ARHGAP27: variants seen among roughly 807,000 people sequenced by gnomAD.
ARHGAP27 encodes the protein Rho GTPase activating protein 27.
Under a neutral mutation model 102.0 loss-of-function variants are expected in ARHGAP27, and 53 were observed. The observed-to-expected ratio is 0.52, with a 90% CI of 0.42 to 0.65. The LOEUF is 0.65. ARHGAP27 is among the 30% of genes least tolerant of loss of function. The probability of loss-of-function intolerance (pLI) is 0.00; values close to 1 mark genes in which losing one functional copy is unlikely to be tolerated. For synonymous variants in ARHGAP27, 525 were observed against 542.8 expected (o/e 0.97, Z 0.46); for missense variants, 1,117 against 1,256.2 (o/e 0.89, Z 1.68).
intron 4 of ARHGAP27, among the ~76,000 whole-genome samples, chr17:45,407,324 T>C (rs943095947): frequency 6.6e-5 from 10 of 151,880 alleles, no homozygotes; most frequent in Non-Finnish European, 1.5e-4. Context: ...TCCAATTCCT[T>C]CTTCAGGATT....
chr17:45,411,330 CACTA>C (rs1453838671), intron 4 of ARHGAP27, among the ~76,000 whole-genome samples: 1 of 152,030 alleles, frequency 6.6e-6, no homozygotes, highest in African/African-American at 2.4e-5. Flanking sequence ...GGCCAGGCAG[CACTA>C]AGCCCACCAG....
At chr17:45,400,879 C>A (rs575095264) in intron 12 of ARHGAP27, among the ~76,000 whole-genome samples, 2 of 152,114 alleles carry the variant, frequency 1.3e-5, no homozygotes. Flanking sequence ...TGCACCACTG[C>A]ACTTCAGCCT....
rs754888955 is a variant in ARHGAP27 at position 45,428,612 on chromosome 17, A to T, written c.657+1011T>A. ...TGGGCATCCCGGACTCAGTCCTGGC[A>T]CATAGTGGGCATCAGTGTTCATGGT... is the stretch of plus-strand genomic sequence containing the variant. On this transcript the variant is annotated intron_variant, in intron 4 of 19. Coordinates refer to ENST00000685559, the MANE Select transcript of ARHGAP27 (RefSeq NM_001282290.2). 1.6e-4 allele frequency among the ~76,000 whole-genome samples: 24 copies of T among 152,318 alleles called. No homozygotes were observed. In the Middle Eastern group the frequency reaches 0.014, roughly 87 times the overall value.
Position 45,404,540 on chromosome 17 carries a change from G to A in ARHGAP27, c.1330-12C>T, listed in dbSNP as rs757799804. On this transcript the variant is annotated splice_polypyrimidine_tract_variant and intron_variant, in intron 7 of 19. Transcript: ENST00000685559. ...GCAGGGACAGGGACCTGGGGAGAAA[G>A]ACACAGTCGTATATGATCTCTTCCT... is the stretch of plus-strand genomic sequence containing the variant. The A allele has an allele frequency of 3.7e-6, 6 of 1,613,426 alleles. No individual in the cohort carries two copies. In the South Asian group the frequency reaches 5.5e-5, roughly 15 times the overall value.
Position 45,404,618 on chromosome 17 carries a change from G to A in ARHGAP27, c.1312C>T (p.Arg438Ter), listed in dbSNP as rs777988076. Reference protein sequence around the residue: ...YFYNPEDSSVRWELPQVPVPA... With the variant: ...YFYNPEDSSV The stretch of plus-strand genomic sequence containing the variant: ...GTTGTTACCTGGGGCAGCTCCCATC[G>A]AACAGAGGAGTCCTCTGGATTGTAG... Residue 438 changes from arginine (R) to a stop codon, truncating the protein, a stop_gained, in exon 7 of 20, where the codon CGA becomes TGA. Coordinates refer to ENST00000685559, the MANE Select transcript of ARHGAP27 (RefSeq NM_001282290.2). LOFTEE classifies it high-confidence loss of function. The A allele has an allele frequency of 1.2e-6, 2 of 1,613,916 alleles. No homozygotes were observed. The highest frequency in any genetic ancestry group is 1.1e-5 in the South Asian group (1 of 91,066).
In ARHGAP27 at chr17:45,426,355, G is replaced by A. The variant is rs189398219; in HGVS notation, c.657+3268C>T. ...CCCACAGGACTGTTAGCCCCTTTGG[G>A]ACTGCATCTTACCACACTTTGTCCC... On this transcript the variant is annotated intron_variant, in intron 4 of 19. Coordinates refer to ENST00000685559, the MANE Select transcript of ARHGAP27 (RefSeq NM_001282290.2). 2.0e-5 allele frequency among the ~76,000 whole-genome samples: 3 copies of A among 152,218 alleles called. No homozygotes were observed. The East Asian group carries it at 5.8e-4, about 29-fold the overall frequency.
intron 4 of ARHGAP27, among the ~76,000 whole-genome samples, chr17:45,417,596 G>A (rs545870010): frequency 4.6e-5 from 7 of 151,998 alleles, no homozygotes; most frequent in South Asian, 2.1e-4. Context: ...GTGAAACTCC[G>A]TCTCTACTAA....
chr17:45,411,610 A>G (rs2047919386), intron 4 of ARHGAP27, among the ~76,000 whole-genome samples: 1 of 152,002 alleles, frequency 6.6e-6, no homozygotes, highest in East Asian at 1.9e-4. Flanking sequence ...CTCTGCCCAC[A>G]AAAGCTCTCA....
chr17:45,415,667 A>T (rs1254671403), intron 4 of ARHGAP27, among the ~76,000 whole-genome samples: 1 of 152,172 alleles, frequency 6.6e-6, no homozygotes, highest in Non-Finnish European at 1.5e-5. Flanking sequence ...AGCCCCATTG[A>T]TCCGACCAGC....
intron 8 of ARHGAP27, 33 bp downstream of exon 8, chr17:45,404,412 G>C: frequency 1.2e-6 from 2 of 1,613,872 alleles, no homozygotes; most frequent in East Asian, 4.5e-5. Flanking sequence ...TTCTGTGGTG[G>C]TCCTGCCAGG....
chr17:45,432,442 C>T (rs1415646689), intron 1 of ARHGAP27, 93 bp from the exon 2 acceptor site: 1 of 152,866 alleles, frequency 6.5e-6, no homozygotes, highest in African/African-American at 2.4e-5. Context: ...CCCCTGCGTC[C>T]ACTGCCCAGG....
intron 4 of ARHGAP27, chr17:45,407,867 A>G (rs868787943): frequency 6.6e-6 from 1 of 152,232 alleles, no homozygotes; most frequent in Non-Finnish European, 1.5e-5. Flanking sequence ...GCAGATTTCC[A>G]CATTTCAATT....
intron 13 of ARHGAP27, 117 bp from the exon 14 acceptor site, chr17:45,397,141 A>C: frequency 6.7e-7 from 1 of 1,491,710 alleles, no homozygotes; most frequent in Non-Finnish European, 8.9e-7. Flanking sequence ...CCCTCAGCGA[A>C]GAGTCCTCTC....
At chr17:45,403,934 T>G in intron 10 of ARHGAP27, 95 bp downstream of exon 10, 2 of 1,392,526 alleles carry the variant, frequency 1.4e-6, no homozygotes, top group Non-Finnish European at 2.0e-6. Context: ...GAAGTTGTTG[T>G]GAGGATTAAT....
rs2046598041 is a variant in ARHGAP27, at chr17:45,402,759, G to A, written c.1698C>T (p.Leu566=). ...EYTVELRGAT[L]SWAPKDKSSR... ...TGGATTTGTCTTTGGGGGCCCAGGA[G>A]AGAGTGGCCCCCCTCAGCTCCACTG... Residue 566 remains leucine, a synonymous_variant, in exon 12 of 20, where the codon CTC becomes CTT. Transcript: ENST00000685559. The A allele has an allele frequency of 1.9e-6, 3 of 1,613,568 alleles. No individual in the cohort carries two copies. The highest frequency in any genetic ancestry group is 2.5e-6 in the Non-Finnish European group (3 of 1,179,706).
At position 45,427,987 on chromosome 17, in the gene ARHGAP27, G is replaced by A. The variant is rs2049777350; in HGVS notation, c.657+1636C>T. Among the ~76,000 whole-genome samples, 1 of 152,190 alleles carries A rather than the reference G, an allele frequency of 6.6e-6. No individual in the cohort carries two copies. Among genetic ancestry groups the A allele is most frequent in the Non-Finnish European group, 1.5e-5 (1 of 68,014 alleles). On this transcript the variant is annotated intron_variant, in intron 4 of 19. Transcript: ENST00000685559. This position sits in a 1 kb window ranked among gnomAD's most constrained non-coding sequence, Gnocchi z 4.5. ...TTTGGTCCTGGGGCCTGGGGTGTTG[G>A]CCCTTGCAGACCTACAGAGCCCTGG...
intron 4 of ARHGAP27, among the ~76,000 whole-genome samples, chr17:45,411,713 A>G (rs2047930472): frequency 6.6e-6 from 1 of 152,088 alleles, no homozygotes; most frequent in Non-Finnish European, 1.5e-5. Context: ...GGACAGCAGG[A>G]ATCACAGAAG....
Position 45,394,631 on chromosome 17 carries a change from C to A in ARHGAP27, c.*825G>T, listed in dbSNP as rs1361470083. On this transcript the variant is annotated 3_prime_UTR_variant, in exon 20 of 20. Coordinates refer to ENST00000685559, the MANE Select transcript of ARHGAP27 (RefSeq NM_001282290.2). Reference sequence around the variant, plus strand: ...AGAACTGATTTTCCCCCTACCCAGGCTGTACTCTGGTGTGGGAGGAGCCTT... The same window carrying A: ...AGAACTGATTTTCCCCCTACCCAGGATGTACTCTGGTGTGGGAGGAGCCTT... 1.3e-5 allele frequency: 2 copies of A among 152,316 alleles called. No individual in the cohort carries two copies. The highest frequency in any genetic ancestry group is 2.9e-5 in the Non-Finnish European group (2 of 68,092). 9.4% of individuals were successfully genotyped at this position (152,316 alleles called of 1,614,324 possible).
At chr17:45,429,548 C>T (rs1436262220) in intron 4 of ARHGAP27, 75 bp downstream of exon 4, 2 of 1,560,506 alleles carry the variant, frequency 1.3e-6, no homozygotes, top group African/African-American at 2.8e-5. Context: ...AGCGGGTCTC[C>T]TTGCGCCCCG....
Sources: allele counts gnomAD v4.1 joint callset (sites outside exome capture counted in the v4.1 genomes callset), GRCh38; gene constraint gnomAD v4.1.1; non-coding constraint Gnocchi (gnomAD v3.1); transcripts MANE v1.5; gene names NCBI Gene and HGNC (gene_info 2026-07-23, HGNC 2026-07-21).